CYP20A1: variants seen among roughly 807,000 people sequenced by gnomAD.
CYP20A1 encodes cytochrome P450 family 20 subfamily A member 1, also known as cytochrome P450 20A1.
In CYP20A1, 61 loss-of-function variants were observed where a neutral mutation model predicts 61.4. The observed-to-expected ratio is 0.99, with a 90% CI of 0.81 to 1.23. The LOEUF is 1.23. Among genes scored for constraint, CYP20A1 ranks in the 50% most tolerant of loss-of-function variants. The pLI is 0.00. For synonymous variants in CYP20A1, 193 were observed against 188.2 expected (o/e 1.03, Z -0.21); for missense variants, 530 against 542.4 (o/e 0.98, Z 0.23).
At chr2:203,294,195 G>T (rs1432705140) in intron 11 of CYP20A1, among the ~76,000 whole-genome samples, 3 of 151,564 alleles carry the variant, frequency 2.0e-5, no homozygotes, top group East Asian at 3.9e-4. Context: ...TTTTTTTCGA[G>T]ACAGAATCTC....
intron 4 of CYP20A1, among the ~76,000 whole-genome samples, chr2:203,253,344 G>T (rs909202129): frequency 1.3e-5 from 2 of 152,178 alleles, no homozygotes; most frequent in Non-Finnish European, 2.9e-5. Context: ...TCCCGGCAGT[G>T]CCTGGGGTGA....
Position 203,289,799 on chromosome 2 carries a change from A to G in CYP20A1, c.1006A>G (p.Thr336Ala). 6 of 1,595,612 alleles carry G rather than the reference A, an allele frequency of 3.8e-6. No individual in the cohort carries two copies. The highest frequency in any genetic ancestry group is 5.1e-6 in the Non-Finnish European group (6 of 1,170,352). Reference protein sequence around the residue: ...CQHVLCETVRTAKLTPVSAQL... With the variant: ...CQHVLCETVRAAKLTPVSAQL... The stretch of plus-strand genomic sequence containing the variant: ...GCATGTGCTTTGTGAAACTGTTCGA[A>G]CTGCCAAACTGACTCCAGTTTCTGC... Residue 336 changes from threonine (T) to alanine (A), a missense_variant, in exon 10 of 13, where the codon ACT becomes GCT. Transcript: ENST00000356079.
Position 203,299,319 on chromosome 2 carries a change from A to G in CYP20A1, c.*2411A>G, listed in dbSNP as rs1175084713. Among the ~76,000 whole-genome samples the G allele has an allele frequency of 6.6e-6, 1 of 152,120 alleles. No individual in the cohort carries two copies. Among genetic ancestry groups the G allele is most frequent in the Non-Finnish European group, 1.5e-5 (1 of 68,022 alleles). ...TTTACTTTCAAGAATATACTCTGGT[A>G]GACTGAGGCGGGAGGATCACTTGAG... On this transcript the variant is annotated 3_prime_UTR_variant, in exon 13 of 13. Coordinates refer to ENST00000356079, the MANE Select transcript of CYP20A1 (RefSeq NM_177538.3).
At chr2:203,288,627 G>C (rs183401295) in intron 9 of CYP20A1, among the ~76,000 whole-genome samples, 5 of 152,270 alleles carry the variant, frequency 3.3e-5, no homozygotes, top group Admixed American at 6.5e-5. Flanking sequence ...ACAGAGGAAA[G>C]GAAGGAAGAA....
At chr2:203,244,580 C>G (rs1350015802) in intron 1 of CYP20A1, among the ~76,000 whole-genome samples, 3 of 151,338 alleles carry the variant, frequency 2.0e-5, no homozygotes, top group African/African-American at 7.3e-5. Flanking sequence ...TTTTTTAAAG[C>G]CAAACCAGCT....
chr2:203,283,119 T>G lies in CYP20A1; in HGVS notation c.851-2493T>G, dbSNP rs151216973. ...TTAGCCAGGAGATCAAGGCCTCAAGTGAGCTGTGATCACTACCACTGCACT... is the reference window on the plus strand; with the variant it reads ...TTAGCCAGGAGATCAAGGCCTCAAGGGAGCTGTGATCACTACCACTGCACT... On this transcript the variant is annotated intron_variant, in intron 8 of 12. Transcript: ENST00000356079. Among the ~76,000 whole-genome samples the G allele has an allele frequency of 3.6e-3, 538 of 150,884 alleles. 5 individuals are homozygous for G. The highest frequency in any genetic ancestry group is 0.013 in the African/African-American group (522 of 41,162).
intron 5 of CYP20A1, among the ~76,000 whole-genome samples, chr2:203,271,114 G>A (rs2067580468): frequency 2.3e-5 from 2 of 86,398 alleles, no homozygotes; most frequent in Non-Finnish European, 4.7e-5. Context: ...TTGAGACGGA[G>A]TCTGGCTCTG....
chr2:203,248,430 A>T (rs1213048467), intron 3 of CYP20A1, among the ~76,000 whole-genome samples: 1 of 151,996 alleles, frequency 6.6e-6, no homozygotes, highest in Non-Finnish European at 1.5e-5. Context: ...GCTACTTGGG[A>T]GACTGAGGCA....
chr2:203,256,853 TCTTA>T (rs1313684234), intron 4 of CYP20A1, among the ~76,000 whole-genome samples: 2 of 152,206 alleles, frequency 1.3e-5, no homozygotes, highest in African/African-American at 4.8e-5. Flanking sequence ...TTGACTCCTC[TCTTA>T]CTTCCATAGG....
At chr2:203,292,175 A>C (rs1452486527) in intron 10 of CYP20A1, 87 bp from the exon 11 acceptor site, 1 of 756,530 alleles carries the variant, frequency 1.3e-6, no homozygotes, top group African/African-American at 1.7e-5. Context: ...CAATATCTAT[A>C]TTAAAAGAAG....
intron 1 of CYP20A1, among the ~76,000 whole-genome samples, chr2:203,242,956 AAAAC>A (rs1412290958): frequency 3.3e-5 from 5 of 152,182 alleles, no homozygotes; most frequent in Middle Eastern, 3.2e-3. Flanking sequence ...ACACAGCTGG[AAAAC>A]AAACAAACAA....
At chr2:203,276,405 A>G (rs2067822333) in intron 6 of CYP20A1, among the ~76,000 whole-genome samples, 2 of 152,164 alleles carry the variant, frequency 1.3e-5, no homozygotes, top group African/African-American at 4.8e-5. Flanking sequence ...GATAGACTGT[A>G]TGGGTCCAGA....
chr2:203,244,160 A>G (rs1395158524), intron 1 of CYP20A1, among the ~76,000 whole-genome samples: 1 of 151,478 alleles, frequency 6.6e-6, no homozygotes, highest in South Asian at 2.1e-4. Context: ...TAGATCTCCT[A>G]CCTTCCCACC....
At chr2:203,278,122 A>G (rs557883707) in intron 6 of CYP20A1, among the ~76,000 whole-genome samples, 2 of 152,246 alleles carry the variant, frequency 1.3e-5, no homozygotes, top group South Asian at 4.1e-4. Context: ...CCAAAAATAC[A>G]AAAATTAGCT....
intron 4 of CYP20A1, among the ~76,000 whole-genome samples, chr2:203,260,314 G>A (rs984737398): frequency 1.3e-5 from 2 of 151,786 alleles, no homozygotes; most frequent in Admixed American, 6.6e-5. Context: ...CCTCCACCTC[G>A]CGGGTTCAAG....
Position 203,299,328 on chromosome 2 carries a change from C to T in CYP20A1, c.*2420C>T, listed in dbSNP as rs13427779. 6.1e-3 allele frequency among the ~76,000 whole-genome samples: 926 copies of T among 151,982 alleles called. 9 individuals carry two copies. The highest frequency in any genetic ancestry group is 0.022 in the African/African-American group (898 of 41,446). On this transcript the variant is annotated 3_prime_UTR_variant, in exon 13 of 13. Transcript: ENST00000356079. ...AAGAATATACTCTGGTAGACTGAGG[C>T]GGGAGGATCACTTGAGCCCAGGAGT... is the stretch of plus-strand genomic sequence containing the variant.
At position 203,285,679 on chromosome 2, in the gene CYP20A1, AAACC is replaced by A; in HGVS notation, c.921_924del (p.Asn307LysfsTer32). On this transcript the variant is annotated frameshift_variant, in exon 9 of 13. Coordinates refer to ENST00000356079, the MANE Select transcript of CYP20A1 (RefSeq NM_177538.3). LOFTEE classifies it high-confidence loss of function. ...TTCAAAAAAAATTATATGAAGAGATAAACCAAGTTTTTGGAAATGGTCCTGTTAC... is the reference window on the plus strand; with the variant it reads ...TTCAAAAAAAATTATATGAAGAGATAAAGTTTTTGGAAATGGTCCTGTTAC... 6.2e-7 allele frequency: 1 copy of A among 1,606,668 alleles called. No individual in the cohort carries two copies. Among genetic ancestry groups the A allele is most frequent in the Non-Finnish European group, 8.5e-7 (1 of 1,178,530 alleles).
rs562679328 is a variant in CYP20A1, at chr2:203,267,252, G to A, written c.600+571G>A. Among the ~76,000 whole-genome samples, 4 of 152,274 alleles carry A rather than the reference G, an allele frequency of 2.6e-5. No homozygotes were observed. In the South Asian group the frequency reaches 8.3e-4, roughly 32 times the overall value. On this transcript the variant is annotated intron_variant, in intron 5 of 12. Coordinates refer to ENST00000356079, the MANE Select transcript of CYP20A1 (RefSeq NM_177538.3). ...TGTTGCCTATCAAGAACAAGGCTTG[G>A]CTGGTTGTGGTGGCTCACACCTGTA...
At chr2:203,281,870 G>T (rs937044069) in intron 8 of CYP20A1, among the ~76,000 whole-genome samples, 5 of 152,070 alleles carry the variant, frequency 3.3e-5, no homozygotes, top group African/African-American at 1.2e-4. Context: ...GTGTTCACTT[G>T]AAGGATTTCA....
Sources: allele counts gnomAD v4.1 joint callset (sites outside exome capture counted in the v4.1 genomes callset), GRCh38; gene constraint gnomAD v4.1.1; transcripts MANE v1.5; gene names NCBI Gene and HGNC (gene_info 2026-07-23, HGNC 2026-07-21).